DGKB: variants seen among roughly 807,000 people sequenced by gnomAD.
DGKB encodes 90 kDa diacylglycerol kinase.
DGKB carries 67 observed loss-of-function variants against 114.3 expected under a neutral mutation model. The ratio of observed to expected loss-of-function variants is 0.59; its 90% CI spans 0.48 to 0.72. The LOEUF (loss-of-function observed/expected upper bound fraction) is 0.72. Among genes scored for constraint, DGKB ranks in the 30% least tolerant of loss-of-function variants. The pLI, the probability that DGKB is intolerant of heterozygous loss-of-function variation, is 0.00. For synonymous variants in DGKB, 398 were observed against 323.1 expected (o/e 1.23, Z -2.49); for missense variants, 907 against 975.2 (o/e 0.93, Z 0.93).
intron 20 of DGKB, among the ~76,000 whole-genome samples, chr7:14,481,769 CT>C (rs1783024281): frequency 6.6e-6 from 1 of 151,882 alleles, no homozygotes; most frequent in African/African-American, 2.4e-5. Flanking sequence ...TGTGTGCAAA[CT>C]TTTCTTTTTC....
chr7:14,973,070 C>G (rs1197960171), intron 1 of DGKB, among the ~76,000 whole-genome samples: 1 of 151,788 alleles, frequency 6.6e-6, no homozygotes, highest in African/African-American at 2.4e-5. Flanking sequence ...AAAATAGAAA[C>G]TATAATTTGT....
chr7:14,182,466 C>G (rs1782777110), intron 23 of DGKB, among the ~76,000 whole-genome samples: 1 of 151,908 alleles, frequency 6.6e-6, no homozygotes, highest in Non-Finnish European at 1.5e-5. Context: ...CGTATTTTAT[C>G]TTATAAATTT....
intron 20 of DGKB, among the ~76,000 whole-genome samples, chr7:14,517,515 A>G (rs753249938): frequency 9.2e-5 from 14 of 152,026 alleles, no homozygotes; most frequent in Non-Finnish European, 2.1e-4. Flanking sequence ...GAAACTATCA[A>G]TAGAGTAACA....
chr7:14,186,734 T>A (rs1261641882), intron 23 of DGKB, among the ~76,000 whole-genome samples: 1 of 152,196 alleles, frequency 6.6e-6, no homozygotes, highest in African/African-American at 2.4e-5. Flanking sequence ...TGGATGAGAC[T>A]GGAGACTATT....
intron 2 of DGKB, among the ~76,000 whole-genome samples, chr7:14,790,307 A>G (rs886742022): frequency 1.3e-5 from 2 of 152,126 alleles, no homozygotes; most frequent in African/African-American, 4.8e-5. Context: ...ATGAAGTCCA[A>G]TTTATTTTTC....
At chr7:14,786,028 A>C (rs1425015282) in intron 2 of DGKB, among the ~76,000 whole-genome samples, 1 of 152,080 alleles carries the variant, frequency 6.6e-6, no homozygotes, top group African/African-American at 2.4e-5. Context: ...TTTGAAAGTC[A>C]TCCATCTTTC....
At chr7:14,602,919 C>A (rs965428571) in intron 17 of DGKB, among the ~76,000 whole-genome samples, 2 of 152,142 alleles carry the variant, frequency 1.3e-5, no homozygotes, top group Non-Finnish European at 2.9e-5. Context: ...CAGTGACACA[C>A]AGATCTCTAG....
At chr7:14,657,488 T>C (rs1024768610) in intron 13 of DGKB, among the ~76,000 whole-genome samples, 4 of 151,888 alleles carry the variant, frequency 2.6e-5, no homozygotes, top group Admixed American at 6.6e-5. Context: ...GACAATATGC[T>C]TTATCCCTGC....
chr7:14,642,383 A>G (rs1811976917), intron 13 of DGKB, among the ~76,000 whole-genome samples: 1 of 152,076 alleles, frequency 6.6e-6, no homozygotes, highest in Non-Finnish European at 1.5e-5. Flanking sequence ...AACTATTAGT[A>G]TTTTATTTGG....
chr7:14,596,981 G>C (rs768203109), intron 17 of DGKB, among the ~76,000 whole-genome samples: 84 of 152,288 alleles, frequency 5.5e-4, no homozygotes, highest in Non-Finnish European at 1.1e-3. Context: ...AGGAGTCCTT[G>C]CAAGTGAGAG....
intron 20 of DGKB, among the ~76,000 whole-genome samples, chr7:14,556,855 G>A (rs1560481): frequency 0.33 from 49,686 of 151,844 alleles, 9,191 homozygotes; most frequent in South Asian, 0.43. Flanking sequence ...ATGAATTGGA[G>A]AAACTTTCCC....
intron 2 of DGKB, among the ~76,000 whole-genome samples, chr7:14,788,834 G>A (rs1840255475): frequency 6.6e-6 from 1 of 152,154 alleles, no homozygotes. Flanking sequence ...ATGGCAGTCA[G>A]TTCCTAATCT....
At chr7:14,525,398 A>G (rs184990003) in intron 20 of DGKB, among the ~76,000 whole-genome samples, 1 of 152,304 alleles carries the variant, frequency 6.6e-6, no homozygotes, top group East Asian at 1.9e-4. Context: ...TTTGAGTTAG[A>G]CTTTTCTGGA....
At chr7:14,419,757 T>C (rs1009905820) in intron 21 of DGKB, among the ~76,000 whole-genome samples, 4 of 151,988 alleles carry the variant, frequency 2.6e-5, no homozygotes, top group African/African-American at 9.7e-5. Flanking sequence ...TGAATGGCCT[T>C]TACAATCAAG....
chr7:14,283,533 C>A (rs1404507073), intron 23 of DGKB, among the ~76,000 whole-genome samples: 1 of 149,064 alleles, frequency 6.7e-6, no homozygotes, highest in Non-Finnish European at 1.5e-5. Flanking sequence ...CATATGGAAC[C>A]AAAAAAGAGC....
At chr7:14,271,845 A>G (rs911727331) in intron 23 of DGKB, among the ~76,000 whole-genome samples, 8 of 152,146 alleles carry the variant, frequency 5.3e-5, no homozygotes, top group African/African-American at 1.9e-4. Flanking sequence ...GCAAAGCGTG[A>G]TTTTCCAAAA....
chr7:14,566,698 T>C (rs2128687497), intron 20 of DGKB, among the ~76,000 whole-genome samples: 1 of 152,224 alleles, frequency 6.6e-6, no homozygotes, highest in Non-Finnish European at 1.5e-5. Flanking sequence ...CAGCCTTTCA[T>C]GTTACTCACT....
intron 20 of DGKB, among the ~76,000 whole-genome samples, chr7:14,566,851 T>C (rs779949400): frequency 5.3e-5 from 8 of 151,922 alleles, no homozygotes; most frequent in Admixed American, 2.0e-4. Context: ...AGCTCACTTA[T>C]GTATATTCTT....
chr7:14,306,863 G>A (rs1317271840), intron 23 of DGKB, among the ~76,000 whole-genome samples: 1 of 152,096 alleles, frequency 6.6e-6, no homozygotes, highest in Non-Finnish European at 1.5e-5. Context: ...CTCTTCAAAT[G>A]TGTCCTCTTG....
Sources: gnomAD v4.1 joint callset for allele counts (sites outside exome capture counted in the v4.1 genomes callset) on GRCh38, gnomAD v4.1.1 for gene constraint, MANE v1.5 for transcripts, NCBI Gene and HGNC (gene_info 2026-07-23, HGNC 2026-07-21) for gene names.